DHODH: variants seen among roughly 807,000 people sequenced by gnomAD.
DHODH encodes dihydroorotate dehydrogenase (quinone), mitochondrial.
Under a neutral mutation model 39.7 loss-of-function variants are expected in DHODH, and 30 were observed. The observed-to-expected ratio is 0.76, with a 90% CI of 0.57 to 1.02. DHODH has a LOEUF of 1.02. Ranked by LOEUF, DHODH falls within the 50% of genes least tolerant of loss-of-function variation. The pLI is 0.00. For synonymous variants in DHODH, 222 were observed against 213.8 expected (o/e 1.04, Z -0.34); for missense variants, 531 against 520.8 (o/e 1.02, Z -0.19).
At chr16:72,022,114 AAAAG>A (rs1187430349) in intron 5 of DHODH, among the ~76,000 whole-genome samples, 2 of 150,110 alleles carry the variant, frequency 1.3e-5, no homozygotes, top group African/African-American at 4.9e-5. Context: ...AAAAAAAAAG[AAAAG>A]AAAAGTCTAA....
At chr16:72,018,159 G>T (rs963406100) in intron 4 of DHODH, among the ~76,000 whole-genome samples, 6 of 152,332 alleles carry the variant, frequency 3.9e-5, no homozygotes, top group African/African-American at 1.4e-4. Context: ...GCACTTAGTG[G>T]TCGCAGCCCT....
At position 72,017,023 on chromosome 16, in the gene DHODH, G is replaced by A. The variant is rs771760097; in HGVS notation, c.435-1G>A. Reference sequence around the variant, plus strand: ...CCCTCCCGTGTGCTTGTGCTCTGCAGGTATGGATTTAACAGTCACGGGCTT... The same window carrying A: ...CCCTCCCGTGTGCTTGTGCTCTGCAAGTATGGATTTAACAGTCACGGGCTT... On this transcript the variant is annotated splice_acceptor_variant, in intron 3 of 8. Transcript: ENST00000219240. LOFTEE classifies it high-confidence loss of function. The A allele has an allele frequency of 1.2e-6, 2 of 1,613,930 alleles. No individual in the cohort carries two copies. The highest frequency in any genetic ancestry group is 2.2e-5 in the South Asian group (2 of 91,078).
chr16:72,019,793 G>A (rs2041182757), intron 4 of DHODH, among the ~76,000 whole-genome samples: 1 of 152,158 alleles, frequency 6.6e-6, no homozygotes, highest in South Asian at 2.1e-4. Context: ...TTTCCTCAGA[G>A]AACTAAAATT....
At chr16:72,017,411 G>A (rs1173854665) in intron 4 of DHODH, among the ~76,000 whole-genome samples, 5 of 152,184 alleles carry the variant, frequency 3.3e-5, no homozygotes, top group Admixed American at 3.3e-4. Context: ...GGCAATGAGG[G>A]CAGGAGCAGG....
rs374221649 is a variant in DHODH at position 72,023,236 on chromosome 16, C to T, written c.891C>T (p.Arg297=). 1.2e-6 allele frequency: 2 copies of T among 1,614,110 alleles called. No homozygotes were observed. The highest frequency in any genetic ancestry group is 1.3e-5 in the African/African-American group (1 of 74,944). The change falls in exon 7 of 9, where the codon CGC becomes CGT. Residue 297 remains arginine (R), a synonymous_variant. Transcript: ENST00000219240. The part of the protein sequence containing the change: ...SRPAGLQGAL[R]SETGGLSGKP... ...CTGCGGGCCTCCAGGGTGCCCTGCG[C>T]TCTGAAACAGGAGGGCTGAGTGGGA... is the stretch of plus-strand genomic sequence containing the variant.
intron 5 of DHODH, among the ~76,000 whole-genome samples, chr16:72,021,705 G>C (rs1484021035): frequency 6.6e-6 from 1 of 152,200 alleles, no homozygotes; most frequent in African/African-American, 2.4e-5. Flanking sequence ...GCTCATGCCT[G>C]TAATACCAGC....
In DHODH at chr16:72,023,246, G is replaced by C; in HGVS notation, c.901G>C (p.Gly301Arg). ...CCAGGGTGCCCTGCGCTCTGAAACAGGAGGGCTGAGTGGGAAGCCCCTCCG... is the reference window on the plus strand; with the variant it reads ...CCAGGGTGCCCTGCGCTCTGAAACACGAGGGCTGAGTGGGAAGCCCCTCCG... ...GLQGALRSET[G>R]GLSGKPLRDL... The change falls in exon 7 of 9, where the codon GGA (glycine) becomes CGA (arginine). Residue 301 changes from glycine (G) to arginine (R), a missense_variant. By Grantham distance (125) the Gly-to-Arg change is moderately radical. Coordinates refer to ENST00000219240, the MANE Select transcript of DHODH (RefSeq NM_001361.5). The C allele has an allele frequency of 5.0e-6, 8 of 1,614,236 alleles. No individual in the cohort carries two copies. The highest frequency in any genetic ancestry group is 6.8e-6 in the Non-Finnish European group (8 of 1,180,040).
chr16:72,024,721 A>G lies in DHODH; in HGVS notation c.*522A>G, dbSNP rs1287929897. 1 of 157,238 alleles carries G rather than the reference A, an allele frequency of 6.4e-6. No individual in the cohort carries two copies. The allele number at this position is 157,238 out of a possible 1,614,324, so 9.7% of individuals were successfully genotyped here. A position where few individuals can be genotyped will look rare whatever the true frequency, so the allele number is the denominator to read the frequency against. ...GGTGGCTCATGCCTGTAATCCCAGC[A>G]CTTTGGGAGGCCGAGGCGGGCGGAT... On this transcript the variant is annotated 3_prime_UTR_variant, in exon 9 of 9. Coordinates refer to ENST00000219240, the MANE Select transcript of DHODH (RefSeq NM_001361.5).
intron 1 of DHODH, 184 bp downstream of exon 1, chr16:72,008,969 G>T: frequency 6.7e-7 from 1 of 1,494,602 alleles, no homozygotes; most frequent in Non-Finnish European, 8.9e-7. Context: ...CGTGGACTCG[G>T]TCAGGCGTGT....
chr16:72,022,326 T>C (rs755992174), intron 5 of DHODH, 36 bp from the exon 6 acceptor site: 102 of 1,493,332 alleles, frequency 6.8e-5, no homozygotes, highest in Non-Finnish European at 8.8e-5. Context: ...GGCTGTGGTC[T>C]GCGGGGTCCC....
At chr16:72,017,995 C>T (rs966426691) in intron 4 of DHODH, among the ~76,000 whole-genome samples, 4 of 152,088 alleles carry the variant, frequency 2.6e-5, no homozygotes, top group African/African-American at 7.2e-5. Context: ...AGGATGGTCT[C>T]GATTTCCTGA....
intron 3 of DHODH, among the ~76,000 whole-genome samples, chr16:72,015,370 A>G (rs2041131320): frequency 6.6e-6 from 1 of 152,236 alleles, no homozygotes; most frequent in East Asian, 1.9e-4. Flanking sequence ...AGGGAAATGT[A>G]ATATTCAACA....
At chr16:72,012,782 G>A (rs987485204) in intron 2 of DHODH, among the ~76,000 whole-genome samples, 18 of 152,190 alleles carry the variant, frequency 1.2e-4, no homozygotes, top group African/African-American at 4.1e-4. Context: ...TTCAGCACAC[G>A]GGCCCTCTCC....
At chr16:72,022,093 CAAA>C (rs57957042) in intron 5 of DHODH, among the ~76,000 whole-genome samples, 24 of 86,008 alleles carry the variant, frequency 2.8e-4, no homozygotes, top group Admixed American at 5.6e-4. Context: ...GACCTTGTCT[CAAA>C]AAAAAAAAAA....
chr16:72,022,549 C>T, intron 6 of DHODH, 74 bp downstream of exon 6: 1 of 1,214,388 alleles, frequency 8.2e-7, no homozygotes, highest in Non-Finnish European at 1.2e-6. Context: ...TGGGCTAGCC[C>T]AGAATGGCGT....
rs375281379 is a variant in DHODH at position 72,012,207 on chromosome 16, G to A, written c.179G>A (p.Arg60His). The A allele has an allele frequency of 1.1e-4, 183 of 1,613,996 alleles. No homozygotes were observed. Among genetic ancestry groups the A allele is most frequent in the Non-Finnish European group, 1.4e-4 (170 of 1,180,028 alleles). The change falls in exon 2 of 9, where the codon CGC (arginine) becomes CAC (histidine). Residue 60 changes from arginine (R) to histidine (H), a missense_variant. By Grantham distance (29) the Arg-to-His change is conservative (BLOSUM62 0). Coordinates refer to ENST00000219240, the MANE Select transcript of DHODH (RefSeq NM_001361.5). ...DPESAHRLAV[R>H]FTSLGLLPRA... ...GAGTCAGCCCACAGACTGGCTGTTC[G>A]CTTCACCTCCCTGGGGCTCCTTCCA...
intron 4 of DHODH, 66 bp from the exon 5 acceptor site, chr16:72,021,058 G>A (rs2041207455): frequency 6.7e-7 from 1 of 1,502,318 alleles, no homozygotes; most frequent in Non-Finnish European, 9.0e-7. Flanking sequence ...TTTGGTCAAG[G>A]GCAGCCTCAG....
rs1166754060 is a variant in DHODH, at chr16:72,025,163, A to G, written c.*964A>G. 3 of 152,186 alleles carry G rather than the reference A, an allele frequency of 2.0e-5. No homozygotes were observed. The highest frequency in any genetic ancestry group is 6.5e-5 in the Admixed American group (1 of 15,278). The allele number at this position is 152,186 out of a possible 1,614,324, so 9.4% of individuals were successfully genotyped here. A position where few individuals can be genotyped will look rare whatever the true frequency, so the allele number is the denominator to read the frequency against. Reference sequence around the variant, plus strand: ...AATTGACCTGCATTCTTTACTAGCAATTCAAACGGTACAGCACTCTTGAAG... The same window carrying G: ...AATTGACCTGCATTCTTTACTAGCAGTTCAAACGGTACAGCACTCTTGAAG... On this transcript the variant is annotated 3_prime_UTR_variant, in exon 9 of 9. Coordinates refer to ENST00000219240, the MANE Select transcript of DHODH (RefSeq NM_001361.5).
At position 72,014,560 on chromosome 16, in the gene DHODH, T is replaced by C. The variant is rs762901711; in HGVS notation, c.322T>C (p.Tyr108His). Residue 108 changes from tyrosine to histidine, a missense_variant, in exon 3 of 9, where the codon TAT becomes CAT. By Grantham distance (83) the Tyr-to-His change is moderately conservative (BLOSUM62 2). Coordinates refer to ENST00000219240, the MANE Select transcript of DHODH (RefSeq NM_001361.5). ...GCATGGGGAAGCCGTGGACGGACTT[T>C]ATAAGATGGGCTTTGGTTTTGTTGA... ...DKHGEAVDGL[Y>H]KMGFGFVEIG... 4 of 1,614,050 alleles carry C rather than the reference T, an allele frequency of 2.5e-6. No individual in the cohort carries two copies. In the African/African-American group the frequency reaches 5.3e-5, roughly 22 times the overall value.
Sources: gnomAD v4.1 joint callset for allele counts (sites outside exome capture counted in the v4.1 genomes callset) on GRCh38, gnomAD v4.1.1 for gene constraint, MANE v1.5 for transcripts, NCBI Gene and HGNC (gene_info 2026-07-23, HGNC 2026-07-21) for gene names.